CUX1: variants seen among roughly 807,000 people sequenced by gnomAD.
CUX1 encodes protein CASP.
CUX1 carries 31 observed loss-of-function variants against 158.8 expected under a neutral mutation model. That is an observed-to-expected ratio of 0.20 (90% CI 0.15 to 0.26). The LOEUF (loss-of-function observed/expected upper bound fraction) is 0.26. CUX1 is among the 10% of genes least tolerant of loss of function. CUX1 has a pLI of 1.00. For synonymous variants in CUX1, 879 were observed against 862.1 expected (o/e 1.02, Z -0.34); for missense variants, 1,589 against 2,014.6 (o/e 0.79, Z 4.04).
intron 1 of CUX1, among the ~76,000 whole-genome samples, chr7:101,881,643 C>T (rs946214404): frequency 1.3e-5 from 2 of 152,176 alleles, no homozygotes; most frequent in African/African-American, 4.8e-5. Flanking sequence ...TCTGACGCCA[C>T]CGATTTGTCA....
At position 102,251,865 on chromosome 7, in the gene CUX1, G is replaced by A. The variant is rs1469917797; in HGVS notation, c.*2823G>A. On this transcript the variant is annotated 3_prime_UTR_variant, in exon 24 of 24. Coordinates refer to ENST00000292535, the MANE Select transcript of CUX1 (RefSeq NM_181552.4). ...TGTTATTTACAAAGGTGTTAAATCT[G>A]AGGAAATTGACAAATACAGATTTGT... The A allele has an allele frequency of 5.1e-6, 5 of 985,302 alleles. No individual in the cohort carries two copies. In the African/African-American group the frequency reaches 7.0e-5, roughly 14 times the overall value. The allele number at this position is 985,302 out of a possible 1,614,324, so 61.0% of individuals were successfully genotyped here.
intron 8 of CUX1, among the ~76,000 whole-genome samples, chr7:102,149,392 G>T (rs1554502945): frequency 6.6e-6 from 1 of 150,834 alleles, no homozygotes; most frequent in African/African-American, 2.4e-5. Flanking sequence ...ACAGGAAGGG[G>T]GTCCCTGCCC....
At chr7:101,921,712 T>C (rs1382882756) in intron 2 of CUX1, among the ~76,000 whole-genome samples, 1 of 152,114 alleles carries the variant, frequency 6.6e-6, no homozygotes, top group East Asian at 1.9e-4. Context: ...TCCACCCGCC[T>C]CGGCCTCCCG....
intron 8 of CUX1, among the ~76,000 whole-genome samples, chr7:102,151,545 A>T (rs1381882770): frequency 6.6e-6 from 1 of 151,504 alleles, no homozygotes; most frequent in Non-Finnish European, 1.5e-5. Flanking sequence ...CAAGAGCGAA[A>T]CTCCATCTCA....
chr7:101,929,901 G>T (rs1806097467), intron 2 of CUX1, among the ~76,000 whole-genome samples: 1 of 152,068 alleles, frequency 6.6e-6, no homozygotes, highest in Non-Finnish European at 1.5e-5. Context: ...GAGTACAGTG[G>T]CCTGATCTCG....
At chr7:101,958,436 A>G (rs1343558186) in intron 2 of CUX1, among the ~76,000 whole-genome samples, 1 of 150,284 alleles carries the variant, frequency 6.7e-6, no homozygotes, top group Non-Finnish European at 1.5e-5. Flanking sequence ...CAGTGGGAGG[A>G]GTAACCCAAA....
At chr7:102,112,328 G>A (rs371474892) in intron 7 of CUX1, among the ~76,000 whole-genome samples, 11 of 142,910 alleles carry the variant, frequency 7.7e-5, no homozygotes, top group African/African-American at 2.6e-4. Context: ...TGCAAGCTCC[G>A]CCTCCTGGGT....
At chr7:102,078,340 T>C (rs1293388821) in intron 4 of CUX1, among the ~76,000 whole-genome samples, 3 of 152,168 alleles carry the variant, frequency 2.0e-5, no homozygotes, top group Non-Finnish European at 4.4e-5. Context: ...CCTCCCAAAG[T>C]GCTGAGATTA....
In CUX1 at chr7:102,097,108, C is replaced by T. The variant is rs368233700; in HGVS notation, c.269-256C>T. 3.2e-4 allele frequency among the ~76,000 whole-genome samples: 49 copies of T among 152,344 alleles called. 1 individual carries two copies. In the East Asian group the frequency reaches 5.6e-3, roughly 17 times the overall value. ...AAGTGTCACACCAGGCAGGAGTAAT[C>T]GGCAAATACCAGTGAATCTCATGGC... is the stretch of plus-strand genomic sequence containing the variant. On this transcript the variant is annotated intron_variant, in intron 4 of 23. Transcript: ENST00000292535.
At chr7:102,239,872 A>G (rs984677347) in intron 23 of CUX1, among the ~76,000 whole-genome samples, 23 of 151,782 alleles carry the variant, frequency 1.5e-4, no homozygotes, top group Non-Finnish European at 2.8e-4. Flanking sequence ...TCAGCCTCCC[A>G]AGTAGCTGGG....
intron 14 of CUX1, among the ~76,000 whole-genome samples, chr7:102,268,310 C>T (rs566949015): frequency 2.0e-5 from 3 of 152,338 alleles, no homozygotes; most frequent in Admixed American, 1.3e-4. Context: ...TTCTGCCCAT[C>T]GGGCTGTGCC....
chr7:102,230,908 C>T (rs1307283670), intron 21 of CUX1, among the ~76,000 whole-genome samples: 3 of 151,810 alleles, frequency 2.0e-5, no homozygotes, highest in Non-Finnish European at 4.4e-5. Flanking sequence ...TTGCCCAGGC[C>T]GGAGTGCAGT....
intron 23 of CUX1, among the ~76,000 whole-genome samples, chr7:102,247,143 A>G (rs893900841): frequency 4.6e-5 from 7 of 151,766 alleles, no homozygotes; most frequent in Non-Finnish European, 8.8e-5. Flanking sequence ...GCAGGGAGCT[A>G]TGATCACACC....
chr7:102,270,000 C>A (rs970332038), intron 14 of CUX1, among the ~76,000 whole-genome samples: 2 of 152,242 alleles, frequency 1.3e-5, no homozygotes, highest in African/African-American at 4.8e-5. Flanking sequence ...CACAGGGGGC[C>A]AGGCCCGGGC....
At chr7:101,898,846 C>G (rs1030609829) in intron 1 of CUX1, among the ~76,000 whole-genome samples, 2 of 152,188 alleles carry the variant, frequency 1.3e-5, no homozygotes, top group Non-Finnish European at 2.9e-5. Context: ...CTGCTTCGGC[C>G]CCCCACAGTG....
chr7:101,971,987 G>A (rs1812010053), intron 2 of CUX1, among the ~76,000 whole-genome samples: 1 of 152,172 alleles, frequency 6.6e-6, no homozygotes, highest in African/African-American at 2.4e-5. Flanking sequence ...TTTATTTTGA[G>A]ACAGAGTCTC....
rs185099399 is a variant in CUX1 at position 101,835,946 on chromosome 7, C to T, written c.30+18277C>T. Among the ~76,000 whole-genome samples the T allele has an allele frequency of 3.5e-4, 54 of 152,330 alleles. 1 individual carries two copies. The highest frequency in any genetic ancestry group is 2.7e-3 in the Admixed American group (41 of 15,302). On this transcript the variant is annotated intron_variant, in intron 1 of 23. Transcript: ENST00000292535. ...GTTTCACCATGTTGGCCAAGCTGGT[C>T]TCGAATTCCTGACCTCAGGTGACCC...
chr7:101,987,284 C>T (rs1814435945), intron 2 of CUX1, among the ~76,000 whole-genome samples: 1 of 152,204 alleles, frequency 6.6e-6, no homozygotes, highest in Non-Finnish European at 1.5e-5. Flanking sequence ...AACAGAGGCG[C>T]TCCTCTTGTC....
At chr7:101,860,300 T>C (rs1357449897) in intron 1 of CUX1, among the ~76,000 whole-genome samples, 1 of 152,212 alleles carries the variant, frequency 6.6e-6, no homozygotes, top group Non-Finnish European at 1.5e-5. Flanking sequence ...ACTATTGGCC[T>C]GTCTAGTTTC....
Sources: allele counts gnomAD v4.1 joint callset (sites outside exome capture counted in the v4.1 genomes callset), GRCh38; gene constraint gnomAD v4.1.1; transcripts MANE v1.5; gene names NCBI Gene and HGNC (gene_info 2026-07-23, HGNC 2026-07-21).